TMTC4: variants seen among roughly 807,000 people sequenced by gnomAD.
TMTC4 encodes the protein transmembrane O-mannosyltransferase targeting cadherins 4.
Under a neutral mutation model 86.0 loss-of-function variants are expected in TMTC4, and 65 were observed. That is an observed-to-expected ratio of 0.76 (90% CI 0.62 to 0.93). The LOEUF (loss-of-function observed/expected upper bound fraction) is 0.93, where lower values mean the gene tolerates loss of function less well. TMTC4 is among the 40% of genes least tolerant of loss of function. The probability of loss-of-function intolerance (pLI) is 0.00; values close to 1 mark genes in which losing one functional copy is unlikely to be tolerated. For synonymous variants in TMTC4, 379 were observed against 382.5 expected (o/e 0.99, Z 0.11); for missense variants, 866 against 948.1 (o/e 0.91, Z 1.14).
chr13:100,639,973 A>G (rs1350183138), intron 7 of TMTC4, among the ~76,000 whole-genome samples: 1 of 151,866 alleles, frequency 6.6e-6, no homozygotes, highest in Non-Finnish European at 1.5e-5. Context: ...ATAAAATAAA[A>G]TAAAAAATAA....
chr13:100,666,598 T>C (rs927689607), intron 3 of TMTC4, among the ~76,000 whole-genome samples: 4 of 152,198 alleles, frequency 2.6e-5, no homozygotes, highest in African/African-American at 9.6e-5. Flanking sequence ...GTCTTCTGCT[T>C]TACACAAGTG....
intron 6 of TMTC4, among the ~76,000 whole-genome samples, chr13:100,650,534 T>A (rs1174140702): frequency 6.6e-6 from 1 of 152,262 alleles, no homozygotes; most frequent in Non-Finnish European, 1.5e-5. Flanking sequence ...CGTCATGTTG[T>A]GTGTGGGAAC....
chr13:100,621,295 G>A (rs1463720142), intron 15 of TMTC4, among the ~76,000 whole-genome samples: 4 of 152,180 alleles, frequency 2.6e-5, no homozygotes, highest in East Asian at 3.8e-4. Flanking sequence ...GGAGAGGGGA[G>A]AAGACTAAGC....
chr13:100,674,243 GGCGCGGCGGGGGA>G, intron 1 of TMTC4: 3 of 980,516 alleles, frequency 3.1e-6, no homozygotes, highest in Non-Finnish European at 3.6e-6. Context: ...AGGCGCTCGC[GGCGCGGCGGGGGA>G]GCCGCCGCGG....
chr13:100,625,924 T>G lies in TMTC4; in HGVS notation c.1587-32A>C, dbSNP rs185447215. 5.0e-6 allele frequency: 8 copies of G among 1,605,200 alleles called. No individual in the cohort carries two copies. In the East Asian group the frequency reaches 1.8e-4, roughly 36 times the overall value. On this transcript the variant is annotated intron_variant, in intron 13 of 18. Coordinates refer to ENST00000342624, the MANE Select transcript of TMTC4 (RefSeq NM_032813.5). ...GTTGAGAAAAAACCAAGCTGACCAT[T>G]AAATGCTCAATAGTAAGTTTTTACT...
At chr13:100,641,715 G>A (rs143793910) in intron 7 of TMTC4, among the ~76,000 whole-genome samples, 35 of 152,254 alleles carry the variant, frequency 2.3e-4, no homozygotes, top group Non-Finnish European at 4.6e-4. Context: ...TCGAACTCCC[G>A]ACCTCAGGTG....
At chr13:100,660,639 G>T (rs1417046449) in intron 5 of TMTC4, among the ~76,000 whole-genome samples, 1 of 148,582 alleles carries the variant, frequency 6.7e-6, no homozygotes, top group Non-Finnish European at 1.5e-5. Context: ...TCCACTCTTT[G>T]TATGTTTTTA....
chr13:100,641,176 G>A (rs913152683), intron 7 of TMTC4, among the ~76,000 whole-genome samples: 8 of 152,132 alleles, frequency 5.3e-5, no homozygotes, highest in Non-Finnish European at 1.2e-4. Flanking sequence ...GTTAAAACAC[G>A]TGATTACCTG....
At chr13:100,618,472 A>ATCTC (rs1199273283) in intron 15 of TMTC4, among the ~76,000 whole-genome samples, 161 of 119,662 alleles carry the variant, frequency 1.3e-3, no homozygotes, top group Non-Finnish European at 2.6e-3. Flanking sequence ...TTTTTTTTTA[A>ATCTC]TCTCTCTCTC....
At chr13:100,614,993 A>G (rs1878246137) in intron 15 of TMTC4, 1 of 967,350 alleles carries the variant, frequency 1.0e-6, no homozygotes, top group Admixed American at 6.1e-5. Flanking sequence ...AAACAGGAGC[A>G]TATCAGACAT....
chr13:100,657,211 A>G (rs1341063435), intron 5 of TMTC4, among the ~76,000 whole-genome samples: 1 of 152,264 alleles, frequency 6.6e-6, no homozygotes, highest in East Asian at 1.9e-4. Flanking sequence ...GATTGGAAAC[A>G]TGAAGGACAT....
Position 100,664,188 on chromosome 13 carries a change from G to C in TMTC4, c.335+33C>G, listed in dbSNP as rs753155227. 4 of 1,556,918 alleles carry C rather than the reference G, an allele frequency of 2.6e-6. No homozygotes were observed. In the South Asian group the frequency reaches 3.7e-5, roughly 14 times the overall value. ...CCAATGTCACACACAAGCTGGGAGG[G>C]ACCTTCCCAGGCCCTTCAATGTCAC... On this transcript the variant is annotated intron_variant, in intron 4 of 18. Transcript: ENST00000342624.
intron 6 of TMTC4, among the ~76,000 whole-genome samples, chr13:100,642,734 G>A (rs747674165): frequency 2.6e-5 from 4 of 152,200 alleles, no homozygotes; most frequent in Admixed American, 6.5e-5. Context: ...CCATGATGGA[G>A]CTGCTGGGAA....
intron 15 of TMTC4, among the ~76,000 whole-genome samples, chr13:100,624,684 C>T (rs190676725): frequency 6.6e-6 from 1 of 152,356 alleles, no homozygotes; most frequent in Non-Finnish European, 1.5e-5. Flanking sequence ...ACCTGTAAGG[C>T]TAAGCTGGAT....
Position 100,657,561 on chromosome 13 carries a change from G to T in TMTC4, c.553-1093C>A, listed in dbSNP as rs199707464. 8.5e-5 allele frequency among the ~76,000 whole-genome samples: 13 copies of T among 152,276 alleles called. No individual in the cohort carries two copies. The East Asian group carries it at 2.5e-3, about 29-fold the overall frequency. On this transcript the variant is annotated intron_variant, in intron 5 of 18. Transcript: ENST00000342624. The stretch of plus-strand genomic sequence containing the variant: ...GATGAAAGACACAGAATTCCCCCCA[G>T]GGGTACTGGACTAGTTTAGGTGGGA...
chr13:100,673,304 A>G (rs1222982748), intron 1 of TMTC4: 1 of 985,310 alleles, frequency 1.0e-6, no homozygotes, highest in East Asian at 1.1e-4. Flanking sequence ...CAGAATGGCG[A>G]GACCAAACCT....
intron 17 of TMTC4, among the ~76,000 whole-genome samples, chr13:100,609,707 A>C (rs1444702434): frequency 6.7e-6 from 1 of 148,874 alleles, no homozygotes; most frequent in African/African-American, 2.5e-5. Context: ...ACACACCCAT[A>C]CATATATACA....
intron 12 of TMTC4, among the ~76,000 whole-genome samples, chr13:100,633,809 A>G (rs528284036): frequency 1.1e-4 from 17 of 151,688 alleles, no homozygotes; most frequent in Non-Finnish European, 2.1e-4. Context: ...TGGTAACACA[A>G]TGGTAAGGAT....
At chr13:100,643,220 C>T (rs74118116) in intron 6 of TMTC4, among the ~76,000 whole-genome samples, 2,209 of 152,296 alleles carry the variant, frequency 0.015, 50 homozygotes, top group African/African-American at 0.051. Context: ...AAAAAGAGAT[C>T]GGTATCAAGT....
Sources: allele counts gnomAD v4.1 joint callset (sites outside exome capture counted in the v4.1 genomes callset), GRCh38; gene constraint gnomAD v4.1.1; transcripts MANE v1.5; gene names NCBI Gene and HGNC (gene_info 2026-07-23, HGNC 2026-07-21).